The following STK3 variants were observed in gnomAD, a reference collection of about 807,000 sequenced individuals.
The protein encoded by STK3 is serine/threonine kinase 3.
Under a neutral mutation model 58.0 loss-of-function variants are expected in STK3, and 41 were observed. The observed-to-expected ratio is 0.71, with a 90% CI of 0.55 to 0.92. The LOEUF (loss-of-function observed/expected upper bound fraction) is 0.92, where lower values mean the gene tolerates loss of function less well. Ranked by LOEUF, STK3 falls within the 40% of genes least tolerant of loss-of-function variation. The pLI, the probability that STK3 is intolerant of heterozygous loss-of-function variation, is 0.00. For synonymous variants in STK3, 170 were observed against 191.0 expected (o/e 0.89, Z 0.91); for missense variants, 479 against 602.7 (o/e 0.79, Z 2.15).
intron 7 of STK3, among the ~76,000 whole-genome samples, chr8:98,582,395 C>A (rs1586920099): frequency 1.3e-5 from 2 of 151,594 alleles, no homozygotes; most frequent in Non-Finnish European, 2.9e-5. Flanking sequence ...TATATGTATT[C>A]AAATCATCCA....
intron 10 of STK3, among the ~76,000 whole-genome samples, chr8:98,523,874 A>G (rs1232642829): frequency 2.0e-5 from 3 of 152,098 alleles, no homozygotes; most frequent in Non-Finnish European, 4.4e-5. Context: ...ATGTAGTCCA[A>G]TTTATCTATT....
intron 2 of STK3, among the ~76,000 whole-genome samples, chr8:98,436,056 T>C (rs1321110390): frequency 6.6e-6 from 1 of 152,142 alleles, no homozygotes; most frequent in Non-Finnish European, 1.5e-5. Context: ...ACCAGTGCTT[T>C]CCTAATAGCC....
At chr8:98,377,605 C>T (rs1298315622) in intron 2 of STK3, among the ~76,000 whole-genome samples, 1 of 152,142 alleles carries the variant, frequency 6.6e-6, no homozygotes, top group Non-Finnish European at 1.5e-5. Flanking sequence ...TGCACAACTT[C>T]TGTGTCCTGT....
At chr8:98,593,316 G>A (rs1698065366) in intron 7 of STK3, among the ~76,000 whole-genome samples, 1 of 152,092 alleles carries the variant, frequency 6.6e-6, no homozygotes, top group South Asian at 2.1e-4. Flanking sequence ...AAATCCATCA[G>A]GAATTTCTTT....
intron 6 of STK3, among the ~76,000 whole-genome samples, chr8:98,609,364 G>A (rs1817001472): frequency 6.6e-6 from 1 of 152,088 alleles, no homozygotes; most frequent in Admixed American, 6.6e-5. Context: ...TGTATGGTTT[G>A]GATGTCACTT....
In STK3 at chr8:98,640,035, T is replaced by C. The variant is rs367988325; in HGVS notation, c.685-43866A>G. Among the ~76,000 whole-genome samples the C allele has an allele frequency of 9.2e-5, 14 of 152,234 alleles. No homozygotes were observed. In the South Asian group the frequency reaches 2.7e-3, roughly 29 times the overall value. On this transcript the variant is annotated intron_variant, in intron 6 of 10. Coordinates refer to ENST00000419617, the MANE Select transcript of STK3 (RefSeq NM_006281.4). ...CTGTTATTTGTTATATGTTATTCCA[T>C]ATTCCCTATTCTATTCTATTCTATT...
At chr8:98,918,743 T>C (rs1307170743) in intron 1 of STK3, among the ~76,000 whole-genome samples, 1 of 152,094 alleles carries the variant, frequency 6.6e-6, no homozygotes, top group Non-Finnish European at 1.5e-5. Flanking sequence ...CACTCTAGCC[T>C]GGGTGACAGA....
intron 3 of STK3, among the ~76,000 whole-genome samples, chr8:98,752,700 C>G (rs1302214069): frequency 1.3e-5 from 2 of 151,346 alleles, no homozygotes; most frequent in Non-Finnish European, 2.9e-5. Context: ...ACAAACTATG[C>G]ATCCAATAAA....
At chr8:98,490,383 C>T (rs191132044) in intron 10 of STK3, among the ~76,000 whole-genome samples, 9 of 152,234 alleles carry the variant, frequency 5.9e-5, no homozygotes, top group Non-Finnish European at 1.2e-4. Context: ...ACTTCATTTT[C>T]TTGTCTTATT....
At chr8:98,505,251 A>T (rs2131379070) in intron 10 of STK3, among the ~76,000 whole-genome samples, 1 of 152,276 alleles carries the variant, frequency 6.6e-6, no homozygotes, top group African/African-American at 2.4e-5. Context: ...CAGGTCATTT[A>T]AGGTCTTCTC....
intron 3 of STK3, among the ~76,000 whole-genome samples, chr8:98,873,997 T>C (rs1333826998): frequency 1.3e-5 from 2 of 152,202 alleles, no homozygotes; most frequent in Admixed American, 6.5e-5. Flanking sequence ...TTCCTTTCCA[T>C]GTTTAGTGCT....
chr8:98,643,655 A>G (rs1424057573), intron 6 of STK3, among the ~76,000 whole-genome samples: 1 of 152,250 alleles, frequency 6.6e-6, no homozygotes, highest in African/African-American at 2.4e-5. Context: ...GTTTTACTCA[A>G]GGCTATATAT....
chr8:98,744,683 G>GT (rs1221540751), intron 4 of STK3, among the ~76,000 whole-genome samples: 2 of 151,752 alleles, frequency 1.3e-5, no homozygotes, highest in East Asian at 3.9e-4. Flanking sequence ...GTATACATAT[G>GT]TAACTAACCT....
chr8:98,763,286 C>G (rs896147538), intron 3 of STK3, among the ~76,000 whole-genome samples: 16 of 152,148 alleles, frequency 1.1e-4, no homozygotes, highest in Admixed American at 6.5e-4. Flanking sequence ...GAACTAGGCA[C>G]TGCACATTCA....
intron 4 of STK3, among the ~76,000 whole-genome samples, chr8:98,731,363 A>G (rs1223183789): frequency 6.6e-6 from 1 of 152,110 alleles, no homozygotes; most frequent in Non-Finnish European, 1.5e-5. Context: ...ATGTACATGC[A>G]GATTACATGA....
intron 3 of STK3, among the ~76,000 whole-genome samples, chr8:98,753,469 A>G (rs1830102771): frequency 6.6e-6 from 1 of 152,116 alleles, no homozygotes; most frequent in Non-Finnish European, 1.5e-5. Flanking sequence ...GGGGCCTATC[A>G]GAAGGTGGAA....
chr8:98,914,509 CTT>C (rs1491038438), intron 1 of STK3, among the ~76,000 whole-genome samples: 1 of 151,742 alleles, frequency 6.6e-6, no homozygotes, highest in Admixed American at 6.6e-5. Context: ...CTCTCTCTCT[CTT>C]CACTCTTAAA....
At chr8:98,569,013 A>C (rs1812736257) in intron 8 of STK3, among the ~76,000 whole-genome samples, 1 of 152,198 alleles carries the variant, frequency 6.6e-6, no homozygotes, top group Non-Finnish European at 1.5e-5. Flanking sequence ...GGAAAGTTTT[A>C]AATAACAGGG....
intron 6 of STK3, among the ~76,000 whole-genome samples, chr8:98,651,266 C>A (rs377754315): frequency 6.6e-6 from 1 of 152,224 alleles, no homozygotes; most frequent in South Asian, 2.1e-4. Context: ...CTCCAACACA[C>A]CTGCAGCTGA....
Sources: allele counts gnomAD v4.1 joint callset (sites outside exome capture counted in the v4.1 genomes callset), GRCh38; gene constraint gnomAD v4.1.1; transcripts MANE v1.5; gene names NCBI Gene and HGNC (gene_info 2026-07-23, HGNC 2026-07-21).